TUSC3: variants seen among roughly 807,000 people sequenced by gnomAD.
The protein encoded by TUSC3 is tumor suppressor candidate 3.
In TUSC3, 45 loss-of-function variants were observed where a neutral mutation model predicts 44.8. The ratio of observed to expected loss-of-function variants is 1.00; its 90% confidence interval spans 0.79 to 1.29. The LOEUF (loss-of-function observed/expected upper bound fraction) is 1.29. Among genes scored for constraint, TUSC3 ranks in the 50% most tolerant of loss-of-function variants. TUSC3 has a pLI of 0.00. For missense variants in TUSC3, 519 were observed against 437.9 expected (o/e 1.19, Z -1.65); for synonymous variants, 212 against 152.9 (o/e 1.39, Z -2.85).
At chr8:15,481,264 A>AC (rs1800657026) in intron 1 of TUSC3, among the ~76,000 whole-genome samples, 1 of 151,798 alleles carries the variant, frequency 6.6e-6, no homozygotes. Context: ...AAAAAAAAAA[A>AC]AAAAGTGGGG....
intron 2 of TUSC3, among the ~76,000 whole-genome samples, chr8:15,493,674 G>T (rs754547481): frequency 4.1e-4 from 63 of 152,286 alleles, no homozygotes; most frequent in Admixed American, 2.9e-3. Flanking sequence ...CATAGTTGCT[G>T]CCCTTAGGGA....
intron 6 of TUSC3, among the ~76,000 whole-genome samples, chr8:15,675,265 T>C (rs1808134038): frequency 6.6e-6 from 1 of 150,758 alleles, no homozygotes; most frequent in Non-Finnish European, 1.5e-5. Flanking sequence ...TCTTATAAAT[T>C]TTTGTTACTG....
At chr8:15,660,743 A>G (rs1221666140) in intron 4 of TUSC3, among the ~76,000 whole-genome samples, 2 of 151,804 alleles carry the variant, frequency 1.3e-5, no homozygotes, top group African/African-American at 4.8e-5. Flanking sequence ...TGTTTTGGCA[A>G]ATATTTTGTT....
At chr8:15,534,391 C>T (rs1272770599) in intron 2 of TUSC3, among the ~76,000 whole-genome samples, 2 of 152,072 alleles carry the variant, frequency 1.3e-5, no homozygotes, top group African/African-American at 4.8e-5. Flanking sequence ...CACCTGTAAT[C>T]CCAGCACTTT....
At chr8:15,437,787 A>G (rs1799968719) in intron 1 of TUSC3, among the ~76,000 whole-genome samples, 2 of 152,320 alleles carry the variant, frequency 1.3e-5, no homozygotes, top group Non-Finnish European at 2.9e-5. Context: ...CTCGAGTTTC[A>G]GATTTTCTCC....
At chr8:15,798,098 C>T in the TUSC3 span, among the ~76,000 whole-genome samples, 1 of 152,198 alleles carries the variant, frequency 6.6e-6, no homozygotes, top group East Asian at 1.9e-4. Flanking sequence ...ACTAGGGGTT[C>T]TCTACATGTG....
the TUSC3 span, among the ~76,000 whole-genome samples, chr8:15,824,906 G>C: frequency 6.6e-6 from 1 of 152,134 alleles, no homozygotes; most frequent in Admixed American, 6.5e-5. Flanking sequence ...GTATCTGTTG[G>C]TGAAATTCAG....
At chr8:15,787,555 C>G in the TUSC3 span, among the ~76,000 whole-genome samples, 3 of 152,072 alleles carry the variant, frequency 2.0e-5, no homozygotes, top group Non-Finnish European at 2.9e-5. Flanking sequence ...ATAATAAGAC[C>G]AGTACCAGTG....
intron 1 of TUSC3, chr8:15,561,695 A>G (rs977870441): frequency 6.7e-6 from 1 of 150,254 alleles, no homozygotes; most frequent in African/African-American, 2.4e-5. Flanking sequence ...GGTGCGGGAT[A>G]TAATCTTGTG....
chr8:15,767,980 T>C (rs144253391), downstream of TUSC3, among the ~76,000 whole-genome samples: 3 of 152,198 alleles, frequency 2.0e-5, no homozygotes, highest in African/African-American at 7.2e-5. Context: ...GCAGGATCCA[T>C]GTTCAGAAAA....
chr8:15,767,869 C>T (rs565717362), downstream of TUSC3, among the ~76,000 whole-genome samples: 5 of 152,166 alleles, frequency 3.3e-5, no homozygotes, highest in Admixed American at 2.0e-4. Context: ...ACACTGAAAG[C>T]CTGGAAGGAA....
chr8:15,484,168 T>A (rs1800705095), intron 2 of TUSC3, among the ~76,000 whole-genome samples: 2 of 152,204 alleles, frequency 1.3e-5, no homozygotes, highest in Non-Finnish European at 2.9e-5. Context: ...TTAAATTAGG[T>A]CTATTTTTAG....
chr8:15,420,105 A>G (rs1247184493), intron 1 of TUSC3, among the ~76,000 whole-genome samples: 1 of 152,116 alleles, frequency 6.6e-6, no homozygotes. Flanking sequence ...TTATGCATAC[A>G]CACTTTATGG....
At chr8:15,655,176 T>C (rs548888624) in intron 3 of TUSC3, among the ~76,000 whole-genome samples, 1 of 152,296 alleles carries the variant, frequency 6.6e-6, no homozygotes, top group African/African-American at 2.4e-5. Flanking sequence ...TGGTTGCAGC[T>C]GGCTGCTAGG....
At position 15,717,090 on chromosome 8, in the gene TUSC3, T is replaced by TA. The variant is rs530511790; in HGVS notation, c.799-13575dup. The stretch of plus-strand genomic sequence containing the variant: ...CCTACAATAGACAGAATTCTGGACT[T>TA]ACGACTTGAAAACAACGCTATGACA... On this transcript the variant is annotated intron_variant, in intron 6 of 10. Coordinates refer to ENST00000503731, the MANE Select transcript of TUSC3 (RefSeq NM_006765.4). Among the ~76,000 whole-genome samples, 433 of 152,224 alleles carry TA rather than the reference T, an allele frequency of 2.8e-3. 2 individuals are homozygous for TA. Among genetic ancestry groups the TA allele is most frequent in the African/African-American group, 0.01 (416 of 41,558 alleles).
chr8:15,432,189 A>G (rs1430425227), intron 1 of TUSC3, among the ~76,000 whole-genome samples: 1 of 152,040 alleles, frequency 6.6e-6, no homozygotes, highest in Non-Finnish European at 1.5e-5. Flanking sequence ...TGTGGCATTC[A>G]TTCTTCTATA....
At chr8:15,843,518 G>C in the TUSC3 span, among the ~76,000 whole-genome samples, 1 of 151,480 alleles carries the variant, frequency 6.6e-6, no homozygotes, top group South Asian at 2.1e-4. Context: ...AAGAGATAAA[G>C]TTGATGGTAG....
chr8:15,771,492 T>A (rs1200322864), downstream of TUSC3, among the ~76,000 whole-genome samples: 10 of 146,020 alleles, frequency 6.8e-5, no homozygotes, highest in Admixed American at 6.8e-4. Context: ...AGATTAAATA[T>A]AAAGGCATTA....
intron 9 of TUSC3, 123 bp from the exon 10 acceptor site, chr8:15,757,668 C>T: frequency 8.9e-7 from 1 of 1,120,916 alleles, no homozygotes. Context: ...CATCGTCTAT[C>T]CCCTGTCTTA....
Sources: gnomAD v4.1 joint callset for allele counts (sites outside exome capture counted in the v4.1 genomes callset) on GRCh38, gnomAD v4.1.1 for gene constraint, MANE v1.5 for transcripts, NCBI Gene and HGNC (gene_info 2026-07-23, HGNC 2026-07-21) for gene names.